NCAN: variants seen among roughly 807,000 people sequenced by gnomAD.
NCAN encodes the protein neurocan core protein.
NCAN carries 47 observed loss-of-function variants against 121.8 expected under a neutral mutation model. The observed-to-expected ratio is 0.39, with a 90% CI of 0.31 to 0.49. The LOEUF (loss-of-function observed/expected upper bound fraction) is 0.49. Among genes scored for constraint, NCAN ranks in the 20% least tolerant of loss-of-function variants. The probability of loss-of-function intolerance (pLI) is 0.92; values close to 1 mark genes in which losing one functional copy is unlikely to be tolerated. For missense variants in NCAN, 1,517 were observed against 1,773.4 expected, an observed-to-expected ratio of 0.86 and a Z score of 2.60; for synonymous variants, 633 against 702.0, an observed-to-expected ratio of 0.90 and a Z score of 1.55.
chr19:19,224,530 CCT>C (rs2060828237), intron 5 of NCAN, 97 bp downstream of exon 5: 10 of 1,487,932 alleles, frequency 6.7e-6, no homozygotes, highest in Middle Eastern at 2.1e-4. Flanking sequence ...ATGCAACTCC[CCT>C]GTCTTATACC....
At position 19,226,971 on chromosome 19, in the gene NCAN, A is replaced by G. The variant is rs748511623; in HGVS notation, c.1558A>G (p.Met520Val). 1 of 1,545,466 alleles carries G rather than the reference A, an allele frequency of 6.5e-7. No individual in the cohort carries two copies. The highest frequency in any genetic ancestry group is 1.2e-5 in the South Asian group (1 of 80,826). The part of the protein sequence containing the change: ...PPTSEAAVNQ[M>V]EPPLAMAVTE... ...CACCTCAGAGGCTGCAGTGAACCAAATGGAGCCTCCGTTGGCCATGGCAGT... is the reference window on the plus strand; with the variant it reads ...CACCTCAGAGGCTGCAGTGAACCAAGTGGAGCCTCCGTTGGCCATGGCAGT... The change falls in exon 7 of 15, where the codon ATG becomes GTG. Residue 520 changes from methionine to valine, a missense_variant. Physicochemically the swap from Met to Val is conservative, Grantham distance 21 (BLOSUM62 1). Transcript: ENST00000252575.
In NCAN at chr19:19,212,317, C is replaced by T. The variant is rs1185011882; in HGVS notation, c.-8+253C>T. On this transcript the variant is annotated intron_variant, in intron 1 of 14. Coordinates refer to ENST00000252575, the MANE Select transcript of NCAN (RefSeq NM_004386.3). The surrounding 1 kb of genome is among the most constrained non-coding windows in gnomAD (Gnocchi z 4.5). Reference sequence around the variant, plus strand: ...GACTACCCCCCGGTGGGGAGGGGGCCGGGCTGGGGGTGGGTCTCAGGGTTG... The same window carrying T: ...GACTACCCCCCGGTGGGGAGGGGGCTGGGCTGGGGGTGGGTCTCAGGGTTG... 7.9e-6 allele frequency among the ~76,000 whole-genome samples: 1 copy of T among 126,160 alleles called. No homozygotes were observed. Among genetic ancestry groups the T allele is most frequent in the African/African-American group, 3.0e-5 (1 of 33,230 alleles). The allele number at this position is 126,160 out of a possible 152,430, so 82.8% of individuals were successfully genotyped here.
Position 19,227,005 on chromosome 19 carries a change from T to C in NCAN, c.1592T>C (p.Met531Thr), listed in dbSNP as rs368881184. Residue 531 changes from methionine to threonine, a missense_variant, in exon 7 of 15, where the codon ATG becomes ACG. Transcript: ENST00000252575. This position sits in a 1 kb window ranked among gnomAD's most constrained non-coding sequence, Gnocchi z 4.2. ...CCGTTGGCCATGGCAGTCACAGAGA[T>C]GTTGGGCAGTGGCCAGAGCCGGAGC... Reference protein sequence around the residue: ...EPPLAMAVTEMLGSGQSRSPW... With the variant: ...EPPLAMAVTETLGSGQSRSPW... The C allele has an allele frequency of 1.0e-5, 16 of 1,528,130 alleles. No homozygotes were observed. Among genetic ancestry groups the C allele is most frequent in the Non-Finnish European group, 1.3e-5 (15 of 1,138,922 alleles). The allele number at this position is 1,528,130 out of a possible 1,614,324, so 94.7% of individuals were successfully genotyped here. A position where few individuals can be genotyped will look rare whatever the true frequency, so the allele number is the denominator to read the frequency against.
At position 19,239,996 on chromosome 19, in the gene NCAN, C is replaced by G. The variant is rs147857567; in HGVS notation, c.3410-607C>G. 6.2e-3 allele frequency among the ~76,000 whole-genome samples: 841 copies of G among 136,452 alleles called. 18 individuals carry two copies. The highest frequency in any genetic ancestry group is 0.023 in the African/African-American group (781 of 34,644). 89.5% of individuals were successfully genotyped at this position (136,452 alleles called of 152,430 possible). A position where few individuals can be genotyped will look rare whatever the true frequency, so the allele number is the denominator to read the frequency against. On this transcript the variant is annotated intron_variant, in intron 11 of 14. Transcript: ENST00000252575. ...TCCTTTCTCTTCCCCATCCTCCCTC[C>G]CACTCCTCCCCCTCCTTCTTCCACT...
chr19:19,214,727 GGTGTGTGT>G (rs56279536), intron 1 of NCAN, among the ~76,000 whole-genome samples: 123 of 141,240 alleles, frequency 8.7e-4, no homozygotes, highest in African/African-American at 2.5e-3. Flanking sequence ...CTGTTAACGG[GGTGTGTGT>G]GTGTGTGTGT....
At position 19,226,445 on chromosome 19, in the gene NCAN, AC is replaced by A. The variant is rs564997595; in HGVS notation, c.1073-37del. 229 of 1,463,180 alleles carry A rather than the reference AC, an allele frequency of 1.6e-4. 1 individual carries two copies. The African/African-American group carries it at 3.0e-3, about 19-fold the overall frequency. 90.6% of individuals were successfully genotyped at this position (1,463,180 alleles called of 1,614,324 possible). A position where few individuals can be genotyped will look rare whatever the true frequency, so the allele number is the denominator to read the frequency against. On this transcript the variant is annotated intron_variant, in intron 6 of 14. Coordinates refer to ENST00000252575, the MANE Select transcript of NCAN (RefSeq NM_004386.3). Reference sequence around the variant, plus strand: ...GACTTCAAGCAGAACTTCCCAGGCAACCCCTGGGCCTAACACAACCTCTTCT... The same window carrying A: ...GACTTCAAGCAGAACTTCCCAGGCAACCCTGGGCCTAACACAACCTCTTCT...
chr19:19,242,101 A>G (rs2060905308), intron 12 of NCAN, among the ~76,000 whole-genome samples: 1 of 152,042 alleles, frequency 6.6e-6, no homozygotes, highest in South Asian at 2.1e-4. Flanking sequence ...AGGCTGAGGC[A>G]GGAGAATCAC....
At chr19:19,216,638 C>T (rs1599806446) in intron 1 of NCAN, among the ~76,000 whole-genome samples, 2 of 151,704 alleles carry the variant, frequency 1.3e-5, no homozygotes, top group South Asian at 2.1e-4. Flanking sequence ...GGTAAGATCT[C>T]ACTATGTTGC....
At position 19,218,989 on chromosome 19, in the gene NCAN, G is replaced by A. The variant is rs750878862; in HGVS notation, c.148G>A (p.Ala50Thr). The A allele has an allele frequency of 6.9e-6, 11 of 1,589,698 alleles. No individual in the cohort carries two copies. The South Asian group carries it at 1.2e-4, about 17-fold the overall frequency. ...QKLGSGSVQA[A>T]LAELVALPCL... ...GCTGGGGTCTGGGTCAGTGCAGGCT[G>A]CGCTGGCGGAGCTGGTGGCCCTGCC... Residue 50 changes from alanine to threonine, a missense_variant, in exon 3 of 15, where the codon GCG (alanine) becomes ACG (threonine). Ala to Thr is a moderately conservative substitution (Grantham distance 58, BLOSUM62 0). Coordinates refer to ENST00000252575, the MANE Select transcript of NCAN (RefSeq NM_004386.3).
Position 19,226,523 on chromosome 19 carries a change from C to G in NCAN, c.1110C>G (p.Thr370=). The change falls in exon 7 of 15, where the codon ACC becomes ACG. Residue 370 remains threonine, a synonymous_variant. Coordinates refer to ENST00000252575, the MANE Select transcript of NCAN (RefSeq NM_004386.3). ...HPTSQHGDLE[T]PSSGDEGEIL... ...CGTCACAACATGGAGACCTAGAGAC[C>G]CCATCCTCTGGGGATGAGGGGGAGA... 1 of 1,609,594 alleles carries G rather than the reference C, an allele frequency of 6.2e-7. No homozygotes were observed. The highest frequency in any genetic ancestry group is 8.5e-7 in the Non-Finnish European group (1 of 1,176,582).
Position 19,227,847 on chromosome 19 carries a change from A to G in NCAN, c.2227A>G (p.Thr743Ala). ...GGCTGTAGGTTTTGTCCCCACTGAGACTGCCACTGAGCCAACGGGCCTCAG... is the reference window on the plus strand; with the variant it reads ...GGCTGTAGGTTTTGTCCCCACTGAGGCTGCCACTGAGCCAACGGGCCTCAG... ...NVAVGFVPTETATEPTGLRGI... is the reference protein window; with the variant it reads ...NVAVGFVPTEAATEPTGLRGI... Residue 743 changes from threonine (T) to alanine (A), a missense_variant, in exon 8 of 15, where the codon ACT becomes GCT. Coordinates refer to ENST00000252575, the MANE Select transcript of NCAN (RefSeq NM_004386.3). This position sits in a 1 kb window ranked among gnomAD's most constrained non-coding sequence, Gnocchi z 4.2. 1 of 1,613,562 alleles carries G rather than the reference A, an allele frequency of 6.2e-7. No homozygotes were observed. Among genetic ancestry groups the G allele is most frequent in the Non-Finnish European group, 8.5e-7 (1 of 1,179,974 alleles).
At chr19:19,241,002 T>C (rs1364364172) in intron 12 of NCAN, among the ~76,000 whole-genome samples, 1 of 152,150 alleles carries the variant, frequency 6.6e-6, no homozygotes, top group East Asian at 1.9e-4. Flanking sequence ...AGCCTGGGCA[T>C]GATGGCTCAT....
At chr19:19,218,720 C>T (rs149288040) in intron 2 of NCAN, among the ~76,000 whole-genome samples, 195 bp from the exon 3 acceptor site, 1 of 152,276 alleles carries the variant, frequency 6.6e-6, no homozygotes, top group East Asian at 1.9e-4. Flanking sequence ...GATTTGCCCG[C>T]CTTGGTCTCT....
chr19:19,230,539 G>A (rs539319445), intron 8 of NCAN, among the ~76,000 whole-genome samples: 5 of 151,114 alleles, frequency 3.3e-5, no homozygotes, highest in African/African-American at 1.2e-4. Context: ...CAAGCAGCTG[G>A]GACCAGGTGT....
chr19:19,231,646 C>G (rs112823387), intron 8 of NCAN, among the ~76,000 whole-genome samples: 3,902 of 152,116 alleles, frequency 0.026, 100 homozygotes, highest in South Asian at 0.12. Flanking sequence ...GAGCTTCTGT[C>G]TCAGCCACTA....
At chr19:19,233,993 CAG>C (rs2060871906) in intron 9 of NCAN, 88 bp downstream of exon 9, 1 of 819,928 alleles carries the variant, frequency 1.2e-6, no homozygotes, top group Non-Finnish European at 2.0e-6. Context: ...CCTCAGAATT[CAG>C]AGATCACAAA....
At chr19:19,221,522 T>C (rs8102111) in intron 3 of NCAN, among the ~76,000 whole-genome samples, 17,743 of 150,286 alleles carry the variant, frequency 0.12, 1,311 homozygotes, top group East Asian at 0.2. Flanking sequence ...GAGCCGAGAT[T>C]GTGCTATTGC....
chr19:19,213,362 G>GC (rs1453933593), intron 1 of NCAN, among the ~76,000 whole-genome samples: 1 of 151,946 alleles, frequency 6.6e-6, no homozygotes, highest in Non-Finnish European at 1.5e-5. Context: ...TGTGCCGAGG[G>GC]CCACATCACC....
chr19:19,248,602 G>A (rs1468464948), intron 13 of NCAN, 98 bp from the exon 14 acceptor site: 14 of 1,283,496 alleles, frequency 1.1e-5, no homozygotes, highest in Non-Finnish European at 1.5e-5. Flanking sequence ...TCCAGTCTGG[G>A]TGACAGAGCG....
Sources: gnomAD v4.1 joint callset for allele counts (sites outside exome capture counted in the v4.1 genomes callset) on GRCh38, gnomAD v4.1.1 for gene constraint, Gnocchi (gnomAD v3.1) non-coding constraint, MANE v1.5 for transcripts, NCBI Gene and HGNC (gene_info 2026-07-23, HGNC 2026-07-21) for gene names.